The following ARSD variants were observed in gnomAD, a reference collection of about 807,000 sequenced individuals.
The protein encoded by ARSD is testis tissue sperm-binding protein Li 39a.
In ARSD, 21 loss-of-function variants were observed where a neutral mutation model predicts 32.6. The observed-to-expected ratio is 0.64, with a 90% CI of 0.46 to 0.93. The LOEUF is 0.93. Ranked by LOEUF, ARSD falls within the 40% of genes least tolerant of loss-of-function variation. The pLI is 0.00. For missense variants in ARSD, 454 were observed against 520.9 expected (o/e 0.87, Z 1.25); for synonymous variants, 224 against 237.4 (o/e 0.94, Z 0.52).
In ARSD at chrX:2,909,975, C is replaced by T. The variant is rs1461987700; in HGVS notation, c.1140G>A (p.Gly380=). 2 of 1,210,843 alleles carry T rather than the reference C, an allele frequency of 1.7e-6. No individual in the cohort carries two copies. Among genetic ancestry groups the T allele is most frequent in the East Asian group, 3.0e-5 (1 of 33,755 alleles). Residue 380 remains glycine, a synonymous_variant, in exon 8 of 10, where the codon GGG becomes GGA. Transcript: ENST00000381154. ...CACCTTCCCATCCTCCCATGCCCTT[C>T]CCACCTGTAAGTAGAAGACATCGTT... ...LGGWNGIYKG[G]KGMGGWEGGI...
chrX:2,904,685 C>G lies in ARSD; in HGVS notation c.*2586G>C, dbSNP rs1314927202. The G allele has an allele frequency of 7.6e-6, 1 of 130,971 alleles. No homozygotes were observed. Among genetic ancestry groups the G allele is most frequent in the Non-Finnish European group, 1.5e-5 (1 of 66,866 alleles). The allele number at this position is 130,971 out of a possible 1,213,427, so 10.8% of individuals were successfully genotyped here. On this transcript the variant is annotated 3_prime_UTR_variant, in exon 10 of 10. Coordinates refer to ENST00000381154, the MANE Select transcript of ARSD (RefSeq NM_001669.4). ...GAGCAGGTAGCTAGAAAGAGCCTGC[C>G]AGCCCTGGGCTTATATCCTGCTTCC...
chrX:2,911,400 G>T (rs901779243), intron 6 of ARSD, among the ~76,000 whole-genome samples: 7 of 110,013 alleles, frequency 6.4e-5, no homozygotes, highest in Non-Finnish European at 1.1e-4. Flanking sequence ...GCCAGGTGTG[G>T]TGGCTCACGC....
rs768477357 is a variant in ARSD at position 2,917,872 on chromosome X, C to T, written c.795G>A (p.Thr265=). 43 of 1,210,598 alleles carry T rather than the reference C, an allele frequency of 3.6e-5. No homozygotes were observed. Among genetic ancestry groups the T allele is most frequent in the Non-Finnish European group, 4.7e-5 (42 of 895,181 alleles). Residue 265 remains threonine (T), a synonymous_variant, in exon 5 of 10, where the codon ACG becomes ACA. Transcript: ENST00000381154. ...NCILMRNHDV[T]EQPMVLEKTA... ...TTTTCTCCAGAACCATGGGTTGCTC[C>T]GTGACGTCATGGTTTCTCATCAGGA...
rs145805822 is a variant in ARSD at position 2,922,391 on chromosome X, G to A, written c.195-367C>T. Among the ~76,000 whole-genome samples the A allele has an allele frequency of 3.5e-3, 393 of 110,800 alleles. 3 individuals carry two copies. The highest frequency in any genetic ancestry group is 0.013 in the African/African-American group (381 of 30,466). ...TCAATTGTGGTGAGGGTGTGGGGCC[G>A]AGATGAGGGTTCCCATGCAAGGGTG... On this transcript the variant is annotated intron_variant, in intron 2 of 9. Transcript: ENST00000381154.
chrX:2,910,752 A>G lies in ARSD; in HGVS notation c.1042T>C (p.Ser348Pro). The G allele has an allele frequency of 8.3e-7, 1 of 1,211,605 alleles. No homozygotes were observed. Among genetic ancestry groups the G allele is most frequent in the Non-Finnish European group, 1.1e-6 (1 of 895,351 alleles). ...NAIEDNGLKN[S>P]TFTYFTSDHG... The stretch of plus-strand genomic sequence containing the variant: ...TCAGAGGTGAAATACGTGAATGTTG[A>G]GTTCTTTAAACCATTGTCTTCGATG... Residue 348 changes from serine to proline, a missense_variant, in exon 7 of 10, where the codon TCA becomes CCA. By Grantham distance (74) the Ser-to-Pro change is moderately conservative. Coordinates refer to ENST00000381154, the MANE Select transcript of ARSD (RefSeq NM_001669.4).
intron 4 of ARSD, among the ~76,000 whole-genome samples, chrX:2,918,587 A>G (rs1199216053): frequency 3.6e-5 from 4 of 110,239 alleles, no homozygotes; most frequent in Non-Finnish European, 7.6e-5. Context: ...CGTCCCTACT[A>G]AAAAAATACA....
chrX:2,927,591 C>T (rs1293183549), intron 1 of ARSD, among the ~76,000 whole-genome samples: 1 of 111,911 alleles, frequency 8.9e-6, no homozygotes, highest in African/African-American at 3.3e-5. Context: ...CCTCGCCTGG[C>T]GGGAAAATCC....
At chrX:2,910,324 C>T (rs868504970) in intron 7 of ARSD, among the ~76,000 whole-genome samples, 1 of 107,818 alleles carries the variant, frequency 9.3e-6, no homozygotes, top group African/African-American at 3.4e-5. Context: ...TATTATTATG[C>T]ATCAATATTA....
chrX:2,918,200 G>A lies in ARSD; in HGVS notation c.467C>T (p.Ala156Val). Residue 156 changes from alanine to valine, a missense_variant, in exon 5 of 10, where the codon GCA becomes GTA. Physicochemically the swap from Ala to Val is moderately conservative, Grantham distance 64 (BLOSUM62 0). Around this residue, in one of 3 missense-constraint regions of ARSD, gnomAD observed 271 missense variants for 301.0 expected, o/e 0.90. Coordinates refer to ENST00000381154, the MANE Select transcript of ARSD (RefSeq NM_001669.4). ...IGKWHQGVNC[A>V]SRGDHCHHPL... ...GTGGTGGCAGTGATCCCCGCGGGAT[G>A]CACAATTCACACCCTGGTGCCATTT... 8.5e-7 allele frequency: 1 copy of A among 1,171,816 alleles called. No homozygotes were observed. Among genetic ancestry groups the A allele is most frequent in the African/African-American group, 1.8e-5 (1 of 56,823 alleles).
In ARSD at chrX:2,907,297, G is replaced by A; in HGVS notation, c.1756C>T (p.His586Tyr). The A allele has an allele frequency of 3.3e-6, 4 of 1,210,419 alleles. No homozygotes were observed. Among genetic ancestry groups the A allele is most frequent in the South Asian group, 1.8e-5 (1 of 56,635 alleles). The change falls in exon 10 of 10, where the codon CAC (histidine) becomes TAC (tyrosine). Residue 586 changes from histidine (H) to tyrosine (Y), a missense_variant. His to Tyr is a moderately conservative substitution (Grantham distance 83, BLOSUM62 2). This residue lies in a region of ARSD where 179 missense variants were observed against 198.5 expected (regional missense o/e 0.90). Coordinates refer to ENST00000381154, the MANE Select transcript of ARSD (RefSeq NM_001669.4). ...CAGGGGGTGCCATCCCCATCCTCGT[G>A]GCATGAACAGAACGGGAAATGTCCG... is the stretch of plus-strand genomic sequence containing the variant. The part of the protein sequence containing the change: ...CCGHFPFCSC[H>Y]EDGDGTP
At chrX:2,923,936 A>AACTGTAC (rs1412162601) in intron 2 of ARSD, among the ~76,000 whole-genome samples, 1 of 112,451 alleles carries the variant, frequency 8.9e-6, no homozygotes, top group East Asian at 2.8e-4. Context: ...AAAGTCCCTG[A>AACTGTAC]ACTGTACACT....
At chrX:2,927,704 C>T (rs1401755823) in intron 1 of ARSD, among the ~76,000 whole-genome samples, 1 of 112,225 alleles carries the variant, frequency 8.9e-6, no homozygotes, top group Admixed American at 9.4e-5. Context: ...GGACTGATTT[C>T]GGGTCTAGTC....
intron 9 of ARSD, chrX:2,907,833 T>C (rs947034443): frequency 3.1e-6 from 3 of 968,984 alleles, no homozygotes; most frequent in African/African-American, 2.0e-5. Flanking sequence ...CCCATGTGTG[T>C]CCGTTTGTGT....
chrX:2,926,741 T>A (rs769191998), intron 1 of ARSD, among the ~76,000 whole-genome samples: 1 of 112,462 alleles, frequency 8.9e-6, no homozygotes, highest in Non-Finnish European at 1.9e-5. Flanking sequence ...AAGTCTCCCG[T>A]GCTTTAACCC....
At chrX:2,927,775 A>G (rs1231246035) in intron 1 of ARSD, among the ~76,000 whole-genome samples, 1 of 109,817 alleles carries the variant, frequency 9.1e-6, no homozygotes, top group Non-Finnish European at 1.9e-5. Context: ...GCAACCAATC[A>G]GATGTTTGCA....
intron 2 of ARSD, 34 bp downstream of exon 2, chrX:2,925,582 T>A: frequency 8.4e-7 from 1 of 1,193,827 alleles, no homozygotes; most frequent in Non-Finnish European, 1.1e-6. Context: ...CAAACTCACA[T>A]AACATCATCA....
Position 2,906,952 on chromosome X carries a change from C to G in ARSD, c.*319G>C, listed in dbSNP as rs1262888053. ...TGGTGAAACCCTGTCTCTACTAAAA[C>G]TACAAAAATTAGCTAGGCATGGTGG... On this transcript the variant is annotated 3_prime_UTR_variant, in exon 10 of 10. Coordinates refer to ENST00000381154, the MANE Select transcript of ARSD (RefSeq NM_001669.4). 1 of 181,200 alleles carries G rather than the reference C, an allele frequency of 5.5e-6. No individual in the cohort carries two copies. Among genetic ancestry groups the G allele is most frequent in the Non-Finnish European group, 1.0e-5 (1 of 98,824 alleles). 14.9% of individuals were successfully genotyped at this position (181,200 alleles called of 1,213,427 possible).
chrX:2,910,840 T>A (rs1311207701), intron 6 of ARSD, 47 bp from the exon 7 acceptor site: 16 of 1,176,622 alleles, frequency 1.4e-5, no homozygotes, highest in Admixed American at 2.3e-5. Context: ...CAAAGCAGCA[T>A]CCACTAGTTC....
chrX:2,913,584 C>T, intron 6 of ARSD: 1 of 1,001,575 alleles, frequency 1.0e-6, no homozygotes, highest in East Asian at 6.5e-5. Flanking sequence ...TATCTACACT[C>T]TCTTAAGAAT....
Sources: allele counts gnomAD v4.1 joint callset (sites outside exome capture counted in the v4.1 genomes callset), GRCh38; gene constraint gnomAD v4.1.1; regional missense constraint gnomAD v4.1.1; transcripts MANE v1.5; gene names NCBI Gene and HGNC (gene_info 2026-07-23, HGNC 2026-07-21).